Variants in ZC3H12B observed in about 807,000 individuals in gnomAD.
ZC3H12B encodes zinc finger CCCH-type containing 12B, also known as probable ribonuclease ZC3H12B.
Under a neutral mutation model 43.9 loss-of-function variants are expected in ZC3H12B, and 7 were observed. The ratio of observed to expected loss-of-function variants is 0.16; its 90% CI spans 0.09 to 0.30. The LOEUF (loss-of-function observed/expected upper bound fraction) is 0.30, where lower values mean the gene tolerates loss of function less well. Among genes scored for constraint, ZC3H12B ranks in the 10% least tolerant of loss-of-function variants. ZC3H12B has a pLI of 1.00. For missense variants in ZC3H12B, 475 were observed against 670.2 expected (o/e 0.71, Z 3.22); for synonymous variants, 222 against 241.7 (o/e 0.92, Z 0.76).
At chrX:65,367,978 C>T (rs968646003) in intron 1 of ZC3H12B, among the ~76,000 whole-genome samples, 1 of 111,357 alleles carries the variant, frequency 9.0e-6, no homozygotes, top group Admixed American at 9.6e-5. Context: ...TAATAAGACC[C>T]TCCACAAACC....
chrX:65,380,542 G>C (rs1246695013), intron 2 of ZC3H12B, among the ~76,000 whole-genome samples: 1 of 111,537 alleles, frequency 9.0e-6, no homozygotes, highest in East Asian at 2.8e-4. Flanking sequence ...AGAAGAAACT[G>C]CATCAACTAA....
chrX:65,371,629 T>A (rs1295144856), intron 2 of ZC3H12B, among the ~76,000 whole-genome samples: 1 of 112,236 alleles, frequency 8.9e-6, no homozygotes, highest in South Asian at 3.6e-4. Flanking sequence ...AGACTGAAGC[T>A]CTGAACAAGA....
upstream of ZC3H12B, among the ~76,000 whole-genome samples, chrX:65,363,703 T>C (rs2066135105): frequency 8.9e-6 from 1 of 111,894 alleles, no homozygotes; most frequent in Admixed American, 9.4e-5. Flanking sequence ...TGTAGCCTTT[T>C]TGTCCAAACA....
chrX:65,455,901 A>T (rs1301395872), intron 3 of ZC3H12B, among the ~76,000 whole-genome samples: 19 of 111,885 alleles, frequency 1.7e-4, no homozygotes, highest in Non-Finnish European at 1.9e-4. Context: ...AAGGAGAAAT[A>T]AAATCCTTTA....
chrX:65,121,486 C>T, the ZC3H12B span, among the ~76,000 whole-genome samples: 42 of 111,409 alleles, frequency 3.8e-4, no homozygotes, highest in Non-Finnish European at 3.2e-4. Context: ...TCCATGGGAT[C>T]GGTGGTGATA....
the ZC3H12B span, among the ~76,000 whole-genome samples, chrX:65,301,721 G>T: frequency 9.0e-6 from 1 of 111,047 alleles, no homozygotes; most frequent in Admixed American, 9.6e-5. Flanking sequence ...GGTGGGATGG[G>T]TGGGGGAAAA....
intron 1 of ZC3H12B, among the ~76,000 whole-genome samples, chrX:65,368,145 T>C (rs1381858030): frequency 8.9e-6 from 1 of 112,258 alleles, no homozygotes; most frequent in East Asian, 2.8e-4. Context: ...ACTTATTTTA[T>C]TTTGGAGTGA....
At chrX:65,045,378 G>A in the ZC3H12B span, among the ~76,000 whole-genome samples, 1 of 111,988 alleles carries the variant, frequency 8.9e-6, no homozygotes, top group South Asian at 3.7e-4. Flanking sequence ...TATCAAAAAC[G>A]TTTATGTAAT....
the ZC3H12B span, among the ~76,000 whole-genome samples, chrX:65,291,914 A>T: frequency 1.8e-5 from 2 of 112,035 alleles, no homozygotes; most frequent in Non-Finnish European, 3.8e-5. Context: ...AAGGGAAATT[A>T]TCAGGGATAA....
At chrX:65,319,571 A>G in the ZC3H12B span, among the ~76,000 whole-genome samples, 2 of 111,797 alleles carry the variant, frequency 1.8e-5, no homozygotes, top group African/African-American at 3.3e-5. Flanking sequence ...AACTCATTCT[A>G]TGAAGCCAGC....
At chrX:65,439,501 G>C (rs1488897542) in intron 3 of ZC3H12B, among the ~76,000 whole-genome samples, 1 of 111,666 alleles carries the variant, frequency 9.0e-6, no homozygotes, top group Non-Finnish European at 1.9e-5. Flanking sequence ...TCCTAAACAA[G>C]TACGTTCATT....
the ZC3H12B span, among the ~76,000 whole-genome samples, chrX:65,308,858 G>A: frequency 4.5e-5 from 5 of 112,041 alleles, no homozygotes; most frequent in East Asian, 1.4e-3. Context: ...ACAGCTACAT[G>A]GAAACTGAAC....
At chrX:65,283,777 G>A in the ZC3H12B span, among the ~76,000 whole-genome samples, 2 of 111,680 alleles carry the variant, frequency 1.8e-5, no homozygotes, top group Admixed American at 9.5e-5. Context: ...ATGCTACCCA[G>A]TGACACTGGG....
chrX:65,097,037 C>T, the ZC3H12B span, among the ~76,000 whole-genome samples: 1 of 111,576 alleles, frequency 9.0e-6, no homozygotes, highest in South Asian at 3.7e-4. Flanking sequence ...ATTTGGCAAT[C>T]ATGCCTCCTT....
chrX:65,223,243 C>G, the ZC3H12B span, among the ~76,000 whole-genome samples: 1 of 109,975 alleles, frequency 9.1e-6, no homozygotes, highest in African/African-American at 3.3e-5. Flanking sequence ...CTTGGCCAGG[C>G]ATTATGGATC....
the ZC3H12B span, among the ~76,000 whole-genome samples, chrX:65,302,382 A>G: frequency 2.7e-5 from 3 of 111,703 alleles, no homozygotes; most frequent in Admixed American, 9.5e-5. Flanking sequence ...GAATAAGTGG[A>G]ATTTGAAACT....
At chrX:65,105,438 G>A in the ZC3H12B span, among the ~76,000 whole-genome samples, 2 of 111,082 alleles carry the variant, frequency 1.8e-5, no homozygotes, top group African/African-American at 6.5e-5. Flanking sequence ...AAGAATACAG[G>A]AATAGCGGAC....
At chrX:65,173,941 T>C in the ZC3H12B span, among the ~76,000 whole-genome samples, 49 of 111,526 alleles carry the variant, frequency 4.4e-4, no homozygotes, top group Non-Finnish European at 8.3e-4. Flanking sequence ...GGTCCTTTTT[T>C]TTGATGTTGA....
the ZC3H12B span, among the ~76,000 whole-genome samples, chrX:65,126,440 T>C: frequency 9.0e-6 from 1 of 111,554 alleles, no homozygotes; most frequent in African/African-American, 3.2e-5. Context: ...ATCTTGACTT[T>C]AGATAACCTG....
Sources: gnomAD v4.1 joint callset for allele counts (sites outside exome capture counted in the v4.1 genomes callset) on GRCh38, gnomAD v4.1.1 for gene constraint, MANE v1.5 for transcripts, NCBI Gene and HGNC (gene_info 2026-07-23, HGNC 2026-07-21) for gene names.